Variants in IDE observed in about 807,000 individuals in gnomAD.
The protein encoded by IDE is insulin degrading enzyme.
A neutral mutation model predicts 133.2 loss-of-function variants in IDE; 58 were observed. That is an observed-to-expected ratio of 0.44 (90% confidence interval 0.35 to 0.54). The LOEUF (loss-of-function observed/expected upper bound fraction) is 0.54, where lower values mean the gene tolerates loss of function less well. Among genes scored for constraint, IDE ranks in the 20% least tolerant of loss-of-function variants. The probability of loss-of-function intolerance (pLI) is 0.00; values close to 1 mark genes in which losing one functional copy is unlikely to be tolerated. For synonymous variants in IDE, 396 were observed against 421.3 expected, an observed-to-expected ratio of 0.94 and a Z score of 0.73; for missense variants, 981 against 1,234.0, an observed-to-expected ratio of 0.79 and a Z score of 3.07.
At chr10:92,560,698 A>T (rs1414728996) in intron 1 of IDE, among the ~76,000 whole-genome samples, 1 of 151,656 alleles carries the variant, frequency 6.6e-6, no homozygotes, top group East Asian at 1.9e-4. Flanking sequence ...CAGAAGAATC[A>T]CTTGAACCCA....
rs1398650692 is a variant in IDE, at chr10:92,562,151, G to A, written c.98+11771C>T. On this transcript the variant is annotated intron_variant, in intron 1 of 24. Coordinates refer to ENST00000265986, the MANE Select transcript of IDE (RefSeq NM_004969.4). Reference sequence around the variant, plus strand: ...TTCCCAAAAGGAACTGAACTCTCAGGATTTCTAAGTGTTGATTCCCATTTA... The same window carrying A: ...TTCCCAAAAGGAACTGAACTCTCAGAATTTCTAAGTGTTGATTCCCATTTA... 3.9e-5 allele frequency among the ~76,000 whole-genome samples: 6 copies of A among 152,170 alleles called. No homozygotes were observed. The East Asian group carries it at 1.2e-3, about 29-fold the overall frequency.
rs1844777832 is a variant in IDE, at chr10:92,452,248, GA to G, written c.*2195del. 1 of 152,180 alleles carries G rather than the reference GA, an allele frequency of 6.6e-6. No individual in the cohort carries two copies. The highest frequency in any genetic ancestry group is 1.5e-5 in the Non-Finnish European group (1 of 68,032). 9.4% of individuals were successfully genotyped at this position (152,180 alleles called of 1,614,324 possible). A position where few individuals can be genotyped will look rare whatever the true frequency, so the allele number is the denominator to read the frequency against. Reference sequence around the variant, plus strand: ...TAATACAAATGCAGACTCCAGAGGTGAAATTCAGGCGATTTATTGTAAACAG... The same window carrying G: ...TAATACAAATGCAGACTCCAGAGGTGAATTCAGGCGATTTATTGTAAACAG... On this transcript the variant is annotated 3_prime_UTR_variant, in exon 25 of 25. Coordinates refer to ENST00000265986, the MANE Select transcript of IDE (RefSeq NM_004969.4).
chr10:92,554,397 A>C (rs1390287105), intron 1 of IDE, among the ~76,000 whole-genome samples: 1 of 152,174 alleles, frequency 6.6e-6, no homozygotes, highest in Non-Finnish European at 1.5e-5. Flanking sequence ...CTACAAAAAC[A>C]GCTGGGCATG....
In IDE at chr10:92,455,661, G is replaced by A. The variant is rs1256846534; in HGVS notation, c.2897-18C>T. On this transcript the variant is annotated intron_variant, in intron 23 of 24. Coordinates refer to ENST00000265986, the MANE Select transcript of IDE (RefSeq NM_004969.4). ...AACAGGACCTATAAGAAAATAAAAG[G>A]TTTAATACTTTGTACTTATTGATAC... 2.8e-6 allele frequency: 4 copies of A among 1,411,486 alleles called. No homozygotes were observed. The South Asian group carries it at 4.7e-5, about 17-fold the overall frequency. The allele number at this position is 1,411,486 out of a possible 1,614,324, so 87.4% of individuals were successfully genotyped here.
intron 4 of IDE, among the ~76,000 whole-genome samples, chr10:92,526,687 G>C (rs1849638106): frequency 6.6e-6 from 1 of 151,666 alleles, no homozygotes; most frequent in Non-Finnish European, 1.5e-5. Context: ...CTCTACAAAA[G>C]ATTAAATAAT....
intron 5 of IDE, among the ~76,000 whole-genome samples, chr10:92,510,363 T>C (rs984747994): frequency 1.3e-5 from 2 of 152,274 alleles, no homozygotes; most frequent in East Asian, 3.9e-4. Flanking sequence ...ACAAGTATTA[T>C]AATAAAATTA....
Position 92,456,844 on chromosome 10 carries a change from C to CA in IDE, c.2824-414dup, listed in dbSNP as rs57422406. Reference sequence around the variant, plus strand: ...TGGGTGACAGAGCAAGACTCTGTCTCAAAAAAAAAAAAAAAAAAAAAAAAA... The same window carrying CA: ...TGGGTGACAGAGCAAGACTCTGTCTCAAAAAAAAAAAAAAAAAAAAAAAAAA... On this transcript the variant is annotated intron_variant, in intron 22 of 24. Transcript: ENST00000265986. Among the ~76,000 whole-genome samples, 151 of 52,182 alleles carry CA rather than the reference C, an allele frequency of 2.9e-3. 17 individuals are homozygous for CA. The highest frequency in any genetic ancestry group is 0.038 in the Middle Eastern group (1 of 26). The allele number at this position is 52,182 out of a possible 152,430, so 34.2% of individuals were successfully genotyped here.
intron 1 of IDE, 107 bp from the exon 2 acceptor site, chr10:92,537,657 T>C (rs2080407574): frequency 2.6e-6 from 2 of 780,942 alleles, no homozygotes; most frequent in East Asian, 2.6e-5. Context: ...TTCTAAATGC[T>C]GAAGGAAACC....
chr10:92,525,938 C>T (rs1453248741), intron 4 of IDE, among the ~76,000 whole-genome samples: 2 of 152,020 alleles, frequency 1.3e-5, no homozygotes, highest in South Asian at 2.1e-4. Context: ...GGGCAGATCA[C>T]TCGAGCTCAG....
chr10:92,513,712 A>G (rs1449199610), intron 5 of IDE, among the ~76,000 whole-genome samples: 2 of 150,998 alleles, frequency 1.3e-5, no homozygotes, highest in Non-Finnish European at 3.0e-5. Context: ...ATTCATATAT[A>G]TGAGAATATA....
intron 4 of IDE, among the ~76,000 whole-genome samples, chr10:92,517,733 C>A (rs1454882901): frequency 6.6e-6 from 1 of 152,096 alleles, no homozygotes; most frequent in Non-Finnish European, 1.5e-5. Context: ...GAGGCCAAGG[C>A]AGGTGCATCA....
Position 92,510,100 on chromosome 10 carries a change from C to T in IDE, c.847G>A (p.Val283Ile), listed in dbSNP as rs1411123586. 2 of 1,606,574 alleles carry T rather than the reference C, an allele frequency of 1.2e-6. No homozygotes were observed. Among genetic ancestry groups the T allele is most frequent in the Non-Finnish European group, 1.7e-6 (2 of 1,174,478 alleles). ...KLFSEVENKN[V>I]PLPEFPEHPF... is the part of the protein sequence containing the mutation. Reference sequence around the variant, plus strand: ...TGTTCAGGAAATTCTGGCAATGGAACATTTTTGTTCTCTACTTCAGAAAAT... The same window carrying T: ...TGTTCAGGAAATTCTGGCAATGGAATATTTTTGTTCTCTACTTCAGAAAAT... Residue 283 changes from valine (V) to isoleucine (I), a missense_variant, in exon 6 of 25, where the codon GTT becomes ATT. Around this residue, in one of 2 missense-constraint regions of IDE, gnomAD observed 321 missense variants for 339.3 expected, o/e 0.95. Coordinates refer to ENST00000265986, the MANE Select transcript of IDE (RefSeq NM_004969.4).
chr10:92,565,015 G>A (rs560560806), intron 1 of IDE, among the ~76,000 whole-genome samples: 1 of 152,072 alleles, frequency 6.6e-6, no homozygotes, highest in African/African-American at 2.4e-5. Flanking sequence ...GGAGGCTGAG[G>A]TGGGTTGATC....
intron 9 of IDE, 51 bp from the exon 10 acceptor site, chr10:92,506,573 C>CAT: frequency 1.5e-6 from 1 of 683,626 alleles, no homozygotes; most frequent in Non-Finnish European, 2.5e-6. Flanking sequence ...ATTTAGAAAC[C>CAT]TTTTTTTTTT....
At chr10:92,562,700 C>G (rs1486631606) in intron 1 of IDE, among the ~76,000 whole-genome samples, 1 of 152,060 alleles carries the variant, frequency 6.6e-6, no homozygotes, top group Non-Finnish European at 1.5e-5. Flanking sequence ...GCAGAGCATA[C>G]AGAAACCACA....
At chr10:92,531,448 G>T (rs914602478) in intron 4 of IDE, among the ~76,000 whole-genome samples, 5 of 152,162 alleles carry the variant, frequency 3.3e-5, no homozygotes, top group Non-Finnish European at 4.4e-5. Context: ...AAGTACTTTG[G>T]AAGGTAGGCT....
At chr10:92,547,593 T>C (rs1314676359) in intron 1 of IDE, among the ~76,000 whole-genome samples, 2 of 152,208 alleles carry the variant, frequency 1.3e-5, no homozygotes, top group African/African-American at 4.8e-5. Flanking sequence ...ATGTTGGTGC[T>C]CAAAAAATTT....
chr10:92,569,256 C>T (rs1298728005), intron 1 of IDE, among the ~76,000 whole-genome samples: 1 of 145,618 alleles, frequency 6.9e-6, no homozygotes, highest in African/African-American at 2.6e-5. Flanking sequence ...TTGGGCTAAG[C>T]CAGCCAACAG....
intron 17 of IDE, 25 bp downstream of exon 17, chr10:92,474,816 T>C: frequency 8.2e-6 from 13 of 1,589,410 alleles, no homozygotes; most frequent in East Asian, 2.2e-5. Context: ...GAAGAAAGCA[T>C]TAAGCTTTAA....
Sources: allele counts gnomAD v4.1 joint callset (sites outside exome capture counted in the v4.1 genomes callset), GRCh38; gene constraint gnomAD v4.1.1; regional missense constraint gnomAD v4.1.1; transcripts MANE v1.5; gene names NCBI Gene and HGNC (gene_info 2026-07-23, HGNC 2026-07-21).